The following EVC2 variants were observed in gnomAD, a reference collection of about 807,000 sequenced individuals.
EVC2 encodes limbin.
Under a neutral mutation model 149.3 loss-of-function variants are expected in EVC2, and 148 were observed. The observed-to-expected ratio is 0.99, with a 90% CI of 0.87 to 1.14. The LOEUF (loss-of-function observed/expected upper bound fraction) is 1.14, where lower values mean the gene tolerates loss of function less well. Among genes scored for constraint, EVC2 ranks in the 50% most tolerant of loss-of-function variants. The pLI, the probability that EVC2 is intolerant of heterozygous loss-of-function variation, is 0.00. For missense variants in EVC2, 1,854 were observed against 1,627.3 expected, an observed-to-expected ratio of 1.14 and a Z score of -2.40; for synonymous variants, 776 against 649.9, an observed-to-expected ratio of 1.19 and a Z score of -2.95.
Position 5,665,609 on chromosome 4 carries a change from A to G in EVC2, c.911T>C (p.Ile304Thr), listed in dbSNP as rs746839301. 5.0e-6 allele frequency: 8 copies of G among 1,614,214 alleles called. No individual in the cohort carries two copies. The highest frequency in any genetic ancestry group is 5.9e-6 in the Non-Finnish European group (7 of 1,180,036). Residue 304 changes from isoleucine (I) to threonine (T), a missense_variant, in exon 8 of 22, where the codon ATT becomes ACT. Ile to Thr is a moderately conservative substitution (Grantham distance 89). Transcript: ENST00000344408. ...HHGLHAAGFF[I>T]AFLLSLVLTW... ...CAGCACAAGGGAGAGGAGGAAGGCA[A>G]TGAAGAACCCTGCTGCGTGGAGGCC...
chr4:5,612,749 T>C (rs1051029142), intron 16 of EVC2, among the ~76,000 whole-genome samples: 30 of 151,666 alleles, frequency 2.0e-4, no homozygotes, highest in East Asian at 9.7e-4. Context: ...GGTGAAACCC[T>C]GTCTCTACTA....
At chr4:5,585,130 A>C (rs994088311) in intron 16 of EVC2, among the ~76,000 whole-genome samples, 1 of 152,088 alleles carries the variant, frequency 6.6e-6, no homozygotes, top group Non-Finnish European at 1.5e-5. Context: ...AACACTTCTA[A>C]GTCTCTCCAT....
In EVC2 at chr4:5,686,032, T is replaced by C. The variant is rs1385311555; in HGVS notation, c.707-553A>G. Among the ~76,000 whole-genome samples, 1 of 151,160 alleles carries C rather than the reference T, an allele frequency of 6.6e-6. No homozygotes were observed. The highest frequency in any genetic ancestry group is 6.6e-5 in the Admixed American group (1 of 15,120). ...CCTCATTTCTCAATGTATGCAGACC[T>C]CAAAAATATATATAGATACATATAT... On this transcript the variant is annotated intron_variant, in intron 5 of 21. Coordinates refer to ENST00000344408, the MANE Select transcript of EVC2 (RefSeq NM_147127.5). This position sits in a 1 kb window ranked among gnomAD's most constrained non-coding sequence, Gnocchi z 5.4.
downstream of EVC2, among the ~76,000 whole-genome samples, chr4:5,561,778 G>C (rs1174219894): frequency 6.6e-6 from 1 of 152,180 alleles, no homozygotes; most frequent in Non-Finnish European, 1.5e-5. Context: ...TACTCACCTT[G>C]CTGGGGTACT....
At chr4:5,699,955 A>C (rs1721724527) in intron 1 of EVC2, among the ~76,000 whole-genome samples, 1 of 152,190 alleles carries the variant, frequency 6.6e-6, no homozygotes, top group Admixed American at 6.5e-5. Flanking sequence ...AGTCTGGCCC[A>C]CATGGTGAAA....
At chr4:5,541,055 T>C (rs1472402120), downstream of EVC2, among the ~76,000 whole-genome samples, 1 of 152,228 alleles carries the variant, frequency 6.6e-6, no homozygotes, top group African/African-American at 2.4e-5. Context: ...ATTTTAGCTT[T>C]TCCAGCTGCC....
rs1720056173 is a variant in EVC2, at chr4:5,677,329, T to G, written c.870+3931A>C. On this transcript the variant is annotated intron_variant, in intron 7 of 21. Coordinates refer to ENST00000344408, the MANE Select transcript of EVC2 (RefSeq NM_147127.5). The surrounding 1 kb of genome is among the most constrained non-coding windows in gnomAD (Gnocchi z 4.3). ...AAAGCCAGGCCTTATGGTCCAAGAGTCAGCTGGGCCCACACAACACCATAG... is the reference window on the plus strand; with the variant it reads ...AAAGCCAGGCCTTATGGTCCAAGAGGCAGCTGGGCCCACACAACACCATAG... 6.6e-6 allele frequency among the ~76,000 whole-genome samples: 1 copy of G among 151,836 alleles called. No homozygotes were observed. Among genetic ancestry groups the G allele is most frequent in the African/African-American group, 2.4e-5 (1 of 41,312 alleles).
intron 9 of EVC2, among the ~76,000 whole-genome samples, chr4:5,645,297 G>T (rs1203191801): frequency 2.0e-5 from 3 of 149,888 alleles, no homozygotes; most frequent in African/African-American, 7.4e-5. Flanking sequence ...TATATGTGTA[G>T]GTTTTTTATA....
chr4:5,551,522 T>C (rs1037347953), intron 21 of EVC2, among the ~76,000 whole-genome samples: 1 of 152,246 alleles, frequency 6.6e-6, no homozygotes, highest in African/African-American at 2.4e-5. Flanking sequence ...AGTAACTAGC[T>C]TGTTTTTGAT....
Position 5,688,417 on chromosome 4 carries a change from C to T in EVC2, c.706+740G>A, listed in dbSNP as rs563605028. 1.7e-3 allele frequency among the ~76,000 whole-genome samples: 252 copies of T among 152,268 alleles called. 2 individuals are homozygous for T. The highest frequency in any genetic ancestry group is 5.8e-3 in the African/African-American group (239 of 41,552). ...GCCTTGACAGCGGCCAGCCCTATGA[C>T]CTCGGGCAAGCTTCTCAGCCACTTT... On this transcript the variant is annotated intron_variant, in intron 5 of 21. Transcript: ENST00000344408.
upstream of EVC2, chr4:5,708,674 G>A: frequency 3.8e-6 from 2 of 523,108 alleles, no homozygotes; most frequent in Non-Finnish European, 6.3e-6. Context: ...GCCAGGAGGT[G>A]CCGGACGGGC....
the EVC2 span, among the ~76,000 whole-genome samples, chr4:5,530,049 C>T: frequency 1.3e-5 from 2 of 152,188 alleles, no homozygotes; most frequent in Non-Finnish European, 2.9e-5. Flanking sequence ...CTCCCGACCT[C>T]AGGTGATCTG....
At chr4:5,594,391 C>G (rs1713172463) in intron 16 of EVC2, among the ~76,000 whole-genome samples, 1 of 152,188 alleles carries the variant, frequency 6.6e-6, no homozygotes, top group Non-Finnish European at 1.5e-5. Context: ...GAGGAACGAT[C>G]AGACAGCAGC....
At chr4:5,575,789 G>C (rs1267201302) in intron 18 of EVC2, among the ~76,000 whole-genome samples, 1 of 152,210 alleles carries the variant, frequency 6.6e-6, no homozygotes, top group Non-Finnish European at 1.5e-5. Context: ...CTGGGGGTCT[G>C]TCTGTTTTAT....
chr4:5,551,698 G>T (rs1027137286), intron 21 of EVC2, among the ~76,000 whole-genome samples: 2 of 152,166 alleles, frequency 1.3e-5, no homozygotes, highest in African/African-American at 4.8e-5. Context: ...CCAGGGGAAT[G>T]ATTATGGTTT....
chr4:5,628,090 AGAAATAATAAGTGAGG>A lies in EVC2; in HGVS notation c.1886+453_1886+468del, dbSNP rs1463719531. 4.5e-3 allele frequency among the ~76,000 whole-genome samples: 683 copies of A among 152,284 alleles called. 6 individuals are homozygous for A. Among genetic ancestry groups the A allele is most frequent in the African/African-American group, 0.016 (650 of 41,576 alleles). On this transcript the variant is annotated intron_variant, in intron 12 of 21. Coordinates refer to ENST00000344408, the MANE Select transcript of EVC2 (RefSeq NM_147127.5). ...GATTTTTACAAGATAATTCTTCTTC[AGAAATAATAAGTGAGG>A]AGCAGTCAGCACATACGCTGAATAA...
chr4:5,681,201 C>A (rs1292815912), intron 7 of EVC2, 59 bp downstream of exon 7: 30 of 1,594,378 alleles, frequency 1.9e-5, no homozygotes, highest in Non-Finnish European at 2.6e-5. Flanking sequence ...CAAGGACAGG[C>A]AGGACCCACA....
chr4:5,586,857 C>G (rs986800220), intron 16 of EVC2, among the ~76,000 whole-genome samples: 4 of 152,150 alleles, frequency 2.6e-5, no homozygotes, highest in African/African-American at 9.7e-5. Flanking sequence ...TGTGCCCCAA[C>G]CACCTTGGGC....
At chr4:5,616,435 A>T (rs10025842) in intron 15 of EVC2, among the ~76,000 whole-genome samples, 27,382 of 151,992 alleles carry the variant, frequency 0.18, 5,792 homozygotes, top group African/African-American at 0.51. Context: ...AAACGTAGAC[A>T]CTACCTGTTT....
Sources: allele counts gnomAD v4.1 joint callset (sites outside exome capture counted in the v4.1 genomes callset), GRCh38; gene constraint gnomAD v4.1.1; non-coding constraint Gnocchi (gnomAD v3.1); transcripts MANE v1.5; gene names NCBI Gene and HGNC (gene_info 2026-07-23, HGNC 2026-07-21).